POTEI: variants seen among roughly 807,000 people sequenced by gnomAD.
The protein encoded by POTEI is POTE ankyrin domain family, member I.
A neutral mutation model predicts 43.4 loss-of-function variants in POTEI; 14 were observed. That is an observed-to-expected ratio of 0.32 (90% CI 0.21 to 0.50). The LOEUF (loss-of-function observed/expected upper bound fraction) is 0.50, where lower values mean the gene tolerates loss of function less well. Among genes scored for constraint, POTEI ranks in the 20% least tolerant of loss-of-function variants. The pLI is 0.98. For synonymous variants in POTEI, 95 were observed against 297.9 expected (o/e 0.32, Z 7.01); for missense variants, 235 against 795.4 (o/e 0.30, Z 8.47).
intron 13 of POTEI, among the ~76,000 whole-genome samples, chr2:130,468,310 TATAC>T (rs1454921970): frequency 6.7e-6 from 1 of 149,936 alleles, no homozygotes; most frequent in Non-Finnish European, 1.5e-5. Context: ...TATGTGTGTA[TATAC>T]ACTCACACAT....
At chr2:130,507,311 TATATATACACAC>T (rs1299237624) in intron 1 of POTEI, among the ~76,000 whole-genome samples, 125 of 10,792 alleles carry the variant, frequency 0.012, 1 homozygote, top group Admixed American at 0.017. Context: ...TATATATATA[TATATATACACAC>T]ACACACACAC....
rs1410771703 is a variant in POTEI, at chr2:130,461,257, G to A, written c.*1559C>T. On this transcript the variant is annotated 3_prime_UTR_variant, in exon 15 of 15. Transcript: ENST00000451531. Reference sequence around the variant, plus strand: ...TCACTTCAGCCCCTGGTCCGCCTCAGACACTCTGAAGCCCTAAGGCTGAAA... The same window carrying A: ...TCACTTCAGCCCCTGGTCCGCCTCAAACACTCTGAAGCCCTAAGGCTGAAA... 1.3e-5 allele frequency: 2 copies of A among 151,966 alleles called. No homozygotes were observed. Among genetic ancestry groups the A allele is most frequent in the East Asian group, 3.9e-4 (2 of 5,140 alleles). The allele number at this position is 151,966 out of a possible 1,614,324, so 9.4% of individuals were successfully genotyped here.
At chr2:130,483,501 T>A (rs1420434250) in intron 9 of POTEI, among the ~76,000 whole-genome samples, 1 of 143,010 alleles carries the variant, frequency 7.0e-6, no homozygotes, top group East Asian at 2.0e-4. Context: ...AATAAAAAAA[T>A]TAATATAAAC....
At chr2:130,483,533 C>A (rs1683469405) in intron 9 of POTEI, among the ~76,000 whole-genome samples, 1 of 131,440 alleles carries the variant, frequency 7.6e-6, no homozygotes, top group Non-Finnish European at 1.6e-5. Context: ...TTATAAAGAG[C>A]CAAAACGATT....
chr2:130,494,688 A>G (rs942707688), intron 6 of POTEI, among the ~76,000 whole-genome samples: 2 of 143,080 alleles, frequency 1.4e-5, no homozygotes, highest in African/African-American at 2.5e-5. Flanking sequence ...AGACGTGAAT[A>G]AAACACTGCC....
intron 3 of POTEI, among the ~76,000 whole-genome samples, chr2:130,502,092 T>C (rs111658075): frequency 0.25 from 11,859 of 48,156 alleles, 1,772 homozygotes; most frequent in African/African-American, 0.47. Context: ...TCGTCGTCGT[T>C]GTTGTTGTTG....
At chr2:130,464,602 C>T (rs1682778956) in intron 14 of POTEI, among the ~76,000 whole-genome samples, 1 of 151,194 alleles carries the variant, frequency 6.6e-6, no homozygotes, top group African/African-American at 2.5e-5. Context: ...TATATTTGGA[C>T]AGAAGCAATT....
intron 9 of POTEI, among the ~76,000 whole-genome samples, chr2:130,487,214 T>G (rs1180296047): frequency 7.1e-5 from 4 of 56,528 alleles, no homozygotes; most frequent in African/African-American, 2.1e-4. Context: ...TTTCTGGGTA[T>G]GAAAATTGAG....
rs1332458304 is a variant in POTEI, at chr2:130,505,164, T to A, written c.522-1270A>T. Among the ~76,000 whole-genome samples, 170 of 148,210 alleles carry A rather than the reference T, an allele frequency of 1.1e-3. 5 individuals are homozygous for A. The highest frequency in any genetic ancestry group is 3.4e-3 in the African/African-American group (138 of 40,260). ...CTCCCACCTGTAATTGAGAACGTGC[T>A]GTATTTGGTTTTCTCTTCCTATGTT... On this transcript the variant is annotated intron_variant, in intron 1 of 14. Transcript: ENST00000451531.
rs1409206318 is a variant in POTEI, at chr2:130,461,432, T to A, written c.*1384A>T. 6.6e-6 allele frequency: 1 copy of A among 151,834 alleles called. No homozygotes were observed. The highest frequency in any genetic ancestry group is 1.5e-5 in the Non-Finnish European group (1 of 68,092). 9.4% of individuals were successfully genotyped at this position (151,834 alleles called of 1,614,324 possible). A position where few individuals can be genotyped will look rare whatever the true frequency, so the allele number is the denominator to read the frequency against. ...AAAGACTTCACCCACTGACTAGAAA[T>A]GTGGTCAGGGACTGACGTAAACAAG... On this transcript the variant is annotated 3_prime_UTR_variant, in exon 15 of 15. Coordinates refer to ENST00000451531, the MANE Select transcript of POTEI (RefSeq NM_001277406.2).
chr2:130,469,121 C>T (rs1331769782), intron 13 of POTEI, among the ~76,000 whole-genome samples: 2 of 53,046 alleles, frequency 3.8e-5, no homozygotes, highest in Admixed American at 2.7e-4. Context: ...GAGAACTCTT[C>T]TGGTTAAGAT....
chr2:130,505,114 G>A (rs1684122192), intron 1 of POTEI, among the ~76,000 whole-genome samples: 1 of 149,798 alleles, frequency 6.7e-6, no homozygotes, highest in Non-Finnish European at 1.5e-5. Context: ...TTCCCTCTAG[G>A]TATCTGTGTG....
At chr2:130,492,741 A>C (rs1386566079) in intron 6 of POTEI, among the ~76,000 whole-genome samples, 1 of 129,592 alleles carries the variant, frequency 7.7e-6, no homozygotes, top group African/African-American at 2.8e-5. Flanking sequence ...TTCTATAAGA[A>C]GTCAGAGAAA....
At chr2:130,507,307 TATATATATATACACACAC>T (rs199710996) in intron 1 of POTEI, among the ~76,000 whole-genome samples, 1,048 of 11,888 alleles carry the variant, frequency 0.088, 39 homozygotes, top group Non-Finnish European at 0.32. Flanking sequence ...TATATATATA[TATATATATATACACACAC>T]ACACACACAC....
chr2:130,480,008 T>C (rs1002341126), intron 10 of POTEI, among the ~76,000 whole-genome samples: 1 of 49,222 alleles, frequency 2.0e-5, no homozygotes, highest in African/African-American at 7.6e-5. Context: ...GGAAGCCCCT[T>C]GCATGCTTCT....
At chr2:130,468,992 C>T (rs1682958289) in intron 13 of POTEI, among the ~76,000 whole-genome samples, 1 of 150,194 alleles carries the variant, frequency 6.7e-6, no homozygotes, top group Non-Finnish European at 1.5e-5. Context: ...CATATACATA[C>T]ATGAACTGAC....
At chr2:130,505,099 G>A (rs555435149) in intron 1 of POTEI, among the ~76,000 whole-genome samples, 66 of 150,016 alleles carry the variant, frequency 4.4e-4, no homozygotes, top group African/African-American at 1.5e-3. Flanking sequence ...CCCAGTGTGT[G>A]TTCCTTCCCT....
intron 6 of POTEI, among the ~76,000 whole-genome samples, chr2:130,493,512 A>G (rs1328923125): frequency 4.7e-5 from 2 of 42,508 alleles, no homozygotes; most frequent in African/African-American, 1.2e-4. Flanking sequence ...GCATAGAAAA[A>G]CATTAGTCAT....
intron 10 of POTEI, among the ~76,000 whole-genome samples, chr2:130,476,974 A>T (rs1683213050): frequency 7.7e-6 from 1 of 130,572 alleles, no homozygotes; most frequent in Admixed American, 7.6e-5. Flanking sequence ...CACCAGAAAC[A>T]CAGCTTTAAA....
Sources: gnomAD v4.1 joint callset for allele counts (sites outside exome capture counted in the v4.1 genomes callset) on GRCh38, gnomAD v4.1.1 for gene constraint, MANE v1.5 for transcripts, NCBI Gene and HGNC (gene_info 2026-07-23, HGNC 2026-07-21) for gene names.